ANK3: variants seen among roughly 807,000 people sequenced by gnomAD.
ANK3 encodes ankyrin-3.
In ANK3, 57 loss-of-function variants were observed where a neutral mutation model predicts 370.9. The observed-to-expected ratio is 0.15, with a 90% CI of 0.12 to 0.19. The LOEUF (loss-of-function observed/expected upper bound fraction) is 0.19, where lower values mean the gene tolerates loss of function less well. Ranked by LOEUF, ANK3 falls within the 10% of genes least tolerant of loss-of-function variation. The probability of loss-of-function intolerance (pLI) is 1.00; values close to 1 mark genes in which losing one functional copy is unlikely to be tolerated. For missense variants in ANK3, 4,439 were observed against 5,302.1 expected, an observed-to-expected ratio of 0.84 and a Z score of 5.06; for synonymous variants, 1,929 against 1,946.3, an observed-to-expected ratio of 0.99 and a Z score of 0.23.
chr10:60,163,484 T>A (rs2095547414), intron 23 of ANK3, among the ~76,000 whole-genome samples: 2 of 152,194 alleles, frequency 1.3e-5, no homozygotes, highest in African/African-American at 4.8e-5. Flanking sequence ...CCTTATTAAA[T>A]GATAACATTG....
chr10:60,704,943 T>A (rs750202263), intron 1 of ANK3, among the ~76,000 whole-genome samples: 37 of 152,194 alleles, frequency 2.4e-4, no homozygotes, highest in Non-Finnish European at 4.9e-4. Context: ...TCAGAGTTGG[T>A]AAAATGAAAT....
At chr10:60,708,025 C>A (rs1436376730) in intron 1 of ANK3, among the ~76,000 whole-genome samples, 1 of 152,196 alleles carries the variant, frequency 6.6e-6, no homozygotes, top group Non-Finnish European at 1.5e-5. Context: ...AGGCTCCTCC[C>A]CACTGCAAAG....
chr10:60,650,544 A>G (rs2078773994), intron 1 of ANK3, among the ~76,000 whole-genome samples: 1 of 152,216 alleles, frequency 6.6e-6, no homozygotes, highest in African/African-American at 2.4e-5. Context: ...AGACATTGGC[A>G]TGCATAGTTC....
At chr10:60,524,339 T>C (rs2076420005) in intron 2 of ANK3, among the ~76,000 whole-genome samples, 1 of 152,056 alleles carries the variant, frequency 6.6e-6, no homozygotes, top group Non-Finnish European at 1.5e-5. Flanking sequence ...GTATAGACCA[T>C]TGATACGGTT....
At chr10:60,118,493 C>A (rs1384213003) in intron 25 of ANK3, among the ~76,000 whole-genome samples, 2 of 152,160 alleles carry the variant, frequency 1.3e-5, no homozygotes, top group Non-Finnish European at 2.9e-5. Flanking sequence ...AAGCAATAAA[C>A]CATTTAGGAA....
At chr10:60,403,958 T>C (rs992845020) in intron 2 of ANK3, among the ~76,000 whole-genome samples, 4 of 152,160 alleles carry the variant, frequency 2.6e-5, no homozygotes, top group African/African-American at 9.7e-5. Flanking sequence ...TGGCTGCAAA[T>C]GATTGGAAAA....
chr10:60,713,607 C>A (rs145592863), intron 1 of ANK3, among the ~76,000 whole-genome samples: 389 of 152,118 alleles, frequency 2.6e-3, no homozygotes, highest in African/African-American at 8.9e-3. Context: ...AAAATTACAA[C>A]AGGCTGGGTG....
intron 2 of ANK3, among the ~76,000 whole-genome samples, chr10:60,476,875 G>A (rs535933366): frequency 2.0e-5 from 3 of 152,070 alleles, no homozygotes; most frequent in African/African-American, 4.8e-5. Context: ...AATCATTTTC[G>A]AATTCTAGTT....
At chr10:60,723,603 C>T (rs1018939147) in intron 1 of ANK3, among the ~76,000 whole-genome samples, 1 of 152,146 alleles carries the variant, frequency 6.6e-6, no homozygotes, top group Non-Finnish European at 1.5e-5. Flanking sequence ...GAGAGTTCTC[C>T]TACTGAATAC....
At chr10:60,335,482 C>T (rs1213733705) in intron 1 of ANK3, among the ~76,000 whole-genome samples, 1 of 152,128 alleles carries the variant, frequency 6.6e-6, no homozygotes, top group African/African-American at 2.4e-5. Flanking sequence ...CTGGACCATT[C>T]CTGCTGTTTG....
At chr10:60,553,132 G>C (rs545445341) in intron 2 of ANK3, among the ~76,000 whole-genome samples, 1 of 152,274 alleles carries the variant, frequency 6.6e-6, no homozygotes, top group South Asian at 2.1e-4. Context: ...TACAATTATT[G>C]AAATTTAATT....
At chr10:60,266,584 C>G (rs2097883400) in intron 5 of ANK3, among the ~76,000 whole-genome samples, 1 of 152,122 alleles carries the variant, frequency 6.6e-6, no homozygotes, top group Non-Finnish European at 1.5e-5. Context: ...TTAAAATTCA[C>G]AGGACCTATA....
intron 1 of ANK3, among the ~76,000 whole-genome samples, chr10:60,291,197 A>G (rs575121113): frequency 1.3e-5 from 2 of 152,296 alleles, no homozygotes; most frequent in African/African-American, 4.8e-5. Context: ...GCTGCAAAAT[A>G]GGATCTGTGT....
At chr10:60,031,480 TCTC>T (rs1348456631) in intron 43 of ANK3, among the ~76,000 whole-genome samples, 3 of 152,230 alleles carry the variant, frequency 2.0e-5, no homozygotes, top group African/African-American at 4.8e-5. Context: ...ATATATTGTC[TCTC>T]CTCCTTGTTT....
In ANK3 at chr10:60,410,832, A is replaced by AT. The variant is rs370263898; in HGVS notation, c.97-131194dup. 3.3e-3 allele frequency among the ~76,000 whole-genome samples: 481 copies of AT among 145,790 alleles called. 1 individual carries two copies. The highest frequency in any genetic ancestry group is 0.01 in the Middle Eastern group (3 of 286). ...AGGTGCACACCAGAATGCCTGGCCA[A>AT]TTTTTTTTTTTTCATTTTTTGCAGT... On this transcript the variant is annotated intron_variant, in intron 2 of 43. Transcript: ENST00000373827.
intron 23 of ANK3, chr10:60,140,971 G>T: frequency 1.0e-6 from 1 of 985,496 alleles, no homozygotes; most frequent in Non-Finnish European, 1.2e-6. Flanking sequence ...GCCCAGGCGG[G>T]GAGTGGCATG....
At chr10:60,222,244 G>A (rs1021137398) in intron 8 of ANK3, among the ~76,000 whole-genome samples, 1 of 152,146 alleles carries the variant, frequency 6.6e-6, no homozygotes, top group African/African-American at 2.4e-5. Flanking sequence ...TGGCTGCACA[G>A]GCAGCGCTGG....
chr10:60,166,107 T>G (rs2095617895), intron 23 of ANK3, among the ~76,000 whole-genome samples: 1 of 135,600 alleles, frequency 7.4e-6, no homozygotes, highest in South Asian at 2.2e-4. Flanking sequence ...ATTTCAAAAG[T>G]TTTTTTTTTC....
Position 60,196,151 on chromosome 10 carries a change from G to A in ANK3, c.1881C>T (p.Ala627=), listed in dbSNP as rs560129439. ...GCTGTGGAATTATAGGTACCTTTGCGGCTGCGTGAGGTGAGGCTCCTTGGT... is the reference window on the plus strand; with the variant it reads ...GCTGTGGAATTATAGGTACCTTTGCAGCTGCGTGAGGTGAGGCTCCTTGGT... ...LLDQGASPHA[A]AKNGYTPLHI... is the part of the protein sequence containing the mutation. The change falls in exon 16 of 44, where the codon GCC becomes GCT. Residue 627 remains alanine, a synonymous_variant. Transcript: ENST00000280772. 12 of 1,613,622 alleles carry A rather than the reference G, an allele frequency of 7.4e-6. No homozygotes were observed. In the South Asian group the frequency reaches 7.7e-5, roughly 10 times the overall value.
Sources: allele counts gnomAD v4.1 joint callset (sites outside exome capture counted in the v4.1 genomes callset), GRCh38; gene constraint gnomAD v4.1.1; transcripts MANE v1.5; gene names NCBI Gene and HGNC (gene_info 2026-07-23, HGNC 2026-07-21).